ZNF277: variants seen among roughly 807,000 people sequenced by gnomAD.
ZNF277 encodes the protein zinc finger protein 277.
ZNF277 carries 55 observed loss-of-function variants against 60.7 expected under a neutral mutation model. That is an observed-to-expected ratio of 0.91 (90% confidence interval 0.73 to 1.13). The LOEUF is 1.13. Ranked by LOEUF, ZNF277 falls within the 50% of genes most tolerant of loss-of-function variation. The pLI is 0.00. For synonymous variants in ZNF277, 178 were observed against 179.3 expected (o/e 0.99, Z 0.06); for missense variants, 510 against 523.0 (o/e 0.98, Z 0.24).
chr7:112,220,922 C>T (rs1822011149), intron 1 of ZNF277, among the ~76,000 whole-genome samples: 1 of 152,156 alleles, frequency 6.6e-6, no homozygotes, highest in Non-Finnish European at 1.5e-5. Flanking sequence ...CTTTGGGTCC[C>T]CTCCCTTTGT....
chr7:112,251,981 G>A (rs1003300138), intron 1 of ZNF277, among the ~76,000 whole-genome samples: 8 of 152,190 alleles, frequency 5.3e-5, no homozygotes, highest in African/African-American at 1.9e-4. Context: ...AGCAAGTAAG[G>A]AGGATAGATT....
intron 1 of ZNF277, among the ~76,000 whole-genome samples, chr7:112,233,160 C>A (rs1387551550): frequency 6.6e-6 from 1 of 152,106 alleles, no homozygotes; most frequent in Non-Finnish European, 1.5e-5. Flanking sequence ...TTTCACAATC[C>A]TATCGGGATT....
At chr7:112,235,393 G>A (rs999105384) in intron 1 of ZNF277, among the ~76,000 whole-genome samples, 22 of 152,046 alleles carry the variant, frequency 1.4e-4, no homozygotes, top group Non-Finnish European at 7.4e-5. Flanking sequence ...CAGTGTCTGA[G>A]GCTCTAATTC....
chr7:112,340,757 T>C (rs1793427624), intron 10 of ZNF277, 115 bp from the exon 11 acceptor site: 2 of 820,966 alleles, frequency 2.4e-6, no homozygotes, highest in Admixed American at 2.6e-5. Flanking sequence ...GCTTTATAAT[T>C]GTACTGCCTC....
chr7:112,287,278 G>A, intron 2 of ZNF277: 1 of 571,732 alleles, frequency 1.7e-6, no homozygotes, highest in Non-Finnish European at 3.1e-6. Context: ...GGGAGGTTGA[G>A]GCAGGAGGGC....
chr7:112,300,173 C>T (rs190208163), intron 4 of ZNF277, among the ~76,000 whole-genome samples: 43 of 152,236 alleles, frequency 2.8e-4, no homozygotes, highest in Non-Finnish European at 6.2e-4. Flanking sequence ...AGATTTTATG[C>T]TAGAATCATA....
intron 7 of ZNF277, chr7:112,330,552 T>C (rs1216633983): frequency 2.8e-3 from 512 of 183,252 alleles, no homozygotes; most frequent in African/African-American, 0.02. Flanking sequence ...TCCTTTCTTT[T>C]TTTTTTTTTT....
chr7:112,286,453 A>C (rs1182738701), intron 1 of ZNF277, among the ~76,000 whole-genome samples: 3 of 152,170 alleles, frequency 2.0e-5, no homozygotes, highest in Non-Finnish European at 4.4e-5. Context: ...CTGTCGCCTT[A>C]ATGTATACCA....
At chr7:112,269,943 T>G (rs565779948) in intron 1 of ZNF277, among the ~76,000 whole-genome samples, 1 of 152,168 alleles carries the variant, frequency 6.6e-6, no homozygotes, top group South Asian at 2.1e-4. Context: ...AACTTTGCAT[T>G]CCACAAAATC....
intron 11 of ZNF277, among the ~76,000 whole-genome samples, chr7:112,341,404 C>T (rs1435284141): frequency 6.6e-6 from 1 of 152,030 alleles, no homozygotes; most frequent in African/African-American, 2.4e-5. Flanking sequence ...GCTAAATATC[C>T]ATTGTATGGA....
chr7:112,290,421 C>T (rs191659466), intron 2 of ZNF277, among the ~76,000 whole-genome samples: 1 of 152,156 alleles, frequency 6.6e-6, no homozygotes, highest in East Asian at 1.9e-4. Flanking sequence ...TTTACTAGGT[C>T]TCGGGACTTA....
intron 6 of ZNF277, chr7:112,328,070 G>A (rs41281060): frequency 0.049 from 15,076 of 305,636 alleles, 464 homozygotes; most frequent in Admixed American, 0.13. Flanking sequence ...AATGTATGCC[G>A]TATAGGATAT....
At chr7:112,241,247 G>GT (rs1300996612) in intron 1 of ZNF277, among the ~76,000 whole-genome samples, 1 of 151,934 alleles carries the variant, frequency 6.6e-6, no homozygotes, top group Non-Finnish European at 1.5e-5. Context: ...GCTGAACCAG[G>GT]TATATGAAAA....
chr7:112,245,456 C>T (rs768056876), intron 1 of ZNF277, among the ~76,000 whole-genome samples: 1 of 152,148 alleles, frequency 6.6e-6, no homozygotes, highest in African/African-American at 2.4e-5. Flanking sequence ...GTTGTGGATA[C>T]GTTCGTTTTC....
intron 1 of ZNF277, among the ~76,000 whole-genome samples, chr7:112,275,879 G>GT (rs1440081424): frequency 6.6e-6 from 1 of 152,122 alleles, no homozygotes; most frequent in Admixed American, 6.5e-5. Flanking sequence ...GAGAAAGGAA[G>GT]TTTAACCACA....
At chr7:112,238,892 C>T (rs971225152) in intron 1 of ZNF277, among the ~76,000 whole-genome samples, 1 of 151,984 alleles carries the variant, frequency 6.6e-6, no homozygotes, top group Admixed American at 6.6e-5. Flanking sequence ...TTGGCGCGTA[C>T]CGCCCTGAAC....
At chr7:112,273,297 A>G (rs1164393319) in intron 1 of ZNF277, among the ~76,000 whole-genome samples, 1 of 152,106 alleles carries the variant, frequency 6.6e-6, no homozygotes, top group Non-Finnish European at 1.5e-5. Flanking sequence ...GCACCTGCCG[A>G]GTTCTGCCTG....
At chr7:112,244,020 C>T (rs1467992969) in intron 1 of ZNF277, among the ~76,000 whole-genome samples, 2 of 151,998 alleles carry the variant, frequency 1.3e-5, no homozygotes, top group Non-Finnish European at 2.9e-5. Flanking sequence ...GAACTGGAGG[C>T]CATTATCTTA....
intron 4 of ZNF277, among the ~76,000 whole-genome samples, chr7:112,298,507 C>G (rs1345328013): frequency 1.3e-5 from 2 of 152,058 alleles, no homozygotes; most frequent in African/African-American, 4.8e-5. Context: ...TAAAATGGAG[C>G]TAAATTGTGG....
Sources: allele counts gnomAD v4.1 joint callset (sites outside exome capture counted in the v4.1 genomes callset), GRCh38; gene constraint gnomAD v4.1.1; transcripts MANE v1.5; gene names NCBI Gene and HGNC (gene_info 2026-07-23, HGNC 2026-07-21).